The following OPCML variants were observed in gnomAD, a reference collection of about 807,000 sequenced individuals.
OPCML encodes the protein opioid binding protein/cell adhesion molecule like, also known as opioid-binding protein/cell adhesion molecule.
OPCML carries 13 observed loss-of-function variants against 37.8 expected under a neutral mutation model. The observed-to-expected ratio is 0.34, with a 90% CI of 0.22 to 0.55. The LOEUF is 0.55. Ranked by LOEUF, OPCML falls within the 20% of genes least tolerant of loss-of-function variation. The pLI is 0.91. For missense variants in OPCML, 341 were observed against 435.6 expected, an observed-to-expected ratio of 0.78 and a Z score of 1.93; for synonymous variants, 176 against 168.8, an observed-to-expected ratio of 1.04 and a Z score of -0.33.
intron 1 of OPCML, among the ~76,000 whole-genome samples, chr11:133,184,052 T>A (rs2136290092): frequency 6.6e-6 from 1 of 152,216 alleles, no homozygotes; most frequent in Non-Finnish European, 1.5e-5. Context: ...GAGCTTGACA[T>A]TGAAGGGGAG....
intron 2 of OPCML, among the ~76,000 whole-genome samples, chr11:132,808,981 G>T (rs1368259461): frequency 6.6e-6 from 1 of 151,872 alleles, no homozygotes; most frequent in Non-Finnish European, 1.5e-5. Flanking sequence ...AAATTTGGTC[G>T]GTGGGGGCGG....
At chr11:132,982,217 C>T (rs1048778354) in intron 1 of OPCML, among the ~76,000 whole-genome samples, 6 of 152,130 alleles carry the variant, frequency 3.9e-5, no homozygotes, top group Non-Finnish European at 8.8e-5. Context: ...TTCTCCTCTC[C>T]TTATCTCTGT....
At chr11:133,063,483 G>A (rs192684239) in intron 1 of OPCML, among the ~76,000 whole-genome samples, 9 of 152,278 alleles carry the variant, frequency 5.9e-5, no homozygotes, top group Admixed American at 5.2e-4. Context: ...TTTATAGGAT[G>A]TGAATGATGA....
At position 133,532,411 on chromosome 11, in the gene OPCML, A is replaced by G. The variant is rs1430142553; in HGVS notation, c.-87T>C. 6 of 1,511,832 alleles carry G rather than the reference A, an allele frequency of 4.0e-6. No homozygotes were observed. In the East Asian group the frequency reaches 1.5e-4, roughly 37 times the overall value. 93.7% of individuals were successfully genotyped at this position (1,511,832 alleles called of 1,614,324 possible). ...CTGCCTTCCTCTGTGCTGAATTCTGAGCAGGTTTAAATCCAATGTTTGCAA... is the reference window on the plus strand; with the variant it reads ...CTGCCTTCCTCTGTGCTGAATTCTGGGCAGGTTTAAATCCAATGTTTGCAA... On this transcript the variant is annotated 5_prime_UTR_variant, in exon 1 of 8. Transcript: ENST00000524381.
chr11:133,140,442 G>A (rs1473252542), intron 1 of OPCML, among the ~76,000 whole-genome samples: 1 of 148,436 alleles, frequency 6.7e-6, no homozygotes, highest in Non-Finnish European at 1.5e-5. Flanking sequence ...TTGAATCTGG[G>A]AGGCAGAGGT....
intron 1 of OPCML, among the ~76,000 whole-genome samples, chr11:133,357,922 C>T (rs918092648): frequency 6.6e-6 from 1 of 152,184 alleles, no homozygotes; most frequent in Non-Finnish European, 1.5e-5. Context: ...TCTCCACTGT[C>T]CCCAGCCAAC....
intron 2 of OPCML, among the ~76,000 whole-genome samples, chr11:132,713,541 T>A (rs1944352517): frequency 6.6e-6 from 1 of 152,242 alleles, no homozygotes; most frequent in Non-Finnish European, 1.5e-5. Flanking sequence ...ACTTCAAACC[T>A]AAGTTTTAAA....
chr11:133,257,427 T>A (rs996035997), intron 1 of OPCML, among the ~76,000 whole-genome samples: 4 of 152,176 alleles, frequency 2.6e-5, no homozygotes, highest in African/African-American at 9.6e-5. Flanking sequence ...GCCTCCCTAA[T>A]AATAGGAATC....
At chr11:132,488,060 T>C (rs1174193499) in intron 4 of OPCML, among the ~76,000 whole-genome samples, 1 of 152,196 alleles carries the variant, frequency 6.6e-6, no homozygotes, top group South Asian at 2.1e-4. Flanking sequence ...CTCTTTGCAT[T>C]TGATGCCTCA....
chr11:133,139,102 G>A lies in OPCML; in HGVS notation c.62-196092C>T, dbSNP rs114702910. Among the ~76,000 whole-genome samples, 1,286 of 152,188 alleles carry A rather than the reference G, an allele frequency of 8.5e-3. 20 individuals carry two copies. The highest frequency in any genetic ancestry group is 0.029 in the African/African-American group (1,211 of 41,514). On this transcript the variant is annotated intron_variant, in intron 1 of 7. Coordinates refer to ENST00000524381, the MANE Select transcript of OPCML (RefSeq NM_001012393.5). ...TAAATGATTGTCAGGGTGCCTCCAC[G>A]AGCCCACAAAAGTAATCTAACACGT...
intron 3 of OPCML, among the ~76,000 whole-genome samples, chr11:132,596,467 A>T (rs1054423768): frequency 3.9e-5 from 6 of 152,138 alleles, no homozygotes; most frequent in African/African-American, 9.7e-5. Flanking sequence ...TGTTGGGGCC[A>T]GTAAGGAAAG....
chr11:133,442,253 C>T (rs1946379219), intron 1 of OPCML, among the ~76,000 whole-genome samples: 1 of 152,102 alleles, frequency 6.6e-6, no homozygotes, highest in African/African-American at 2.4e-5. Flanking sequence ...TTTTTTCAGT[C>T]ATCAAATTGG....
intron 2 of OPCML, among the ~76,000 whole-genome samples, chr11:132,873,720 A>AT (rs1706268050): frequency 6.7e-6 from 1 of 150,340 alleles, no homozygotes; most frequent in Non-Finnish European, 1.5e-5. Flanking sequence ...GGGCACAAAA[A>AT]AAAAAAAAAA....
intron 3 of OPCML, among the ~76,000 whole-genome samples, chr11:132,638,186 T>TATATATATATATATATATATACAC (rs71067383): frequency 9.2e-5 from 12 of 131,078 alleles, no homozygotes; most frequent in East Asian, 6.7e-4. Flanking sequence ...TATATATATA[T>TATATATATATATATATATATACAC]ACAGAGAGAG....
chr11:132,590,904 G>A (rs1489222524), intron 3 of OPCML, among the ~76,000 whole-genome samples: 1 of 152,080 alleles, frequency 6.6e-6, no homozygotes, highest in Admixed American at 6.6e-5. Flanking sequence ...TTTAATAAAT[G>A]TATATTTTTT....
In OPCML at chr11:133,433,897, G is replaced by T. The variant is rs552402897; in HGVS notation, c.61+98367C>A. Among the ~76,000 whole-genome samples the T allele has an allele frequency of 4.4e-4, 67 of 152,126 alleles. 1 individual carries two copies. The highest frequency in any genetic ancestry group is 7.9e-4 in the Non-Finnish European group (54 of 68,018). ...TCAAACTTGCACTCTAGGGAATGAG[G>T]CATCAGAAGCCATCCTAGGGCAGAA... On this transcript the variant is annotated intron_variant, in intron 1 of 7. Transcript: ENST00000524381.
At chr11:133,481,971 T>C (rs1591548065) in intron 1 of OPCML, among the ~76,000 whole-genome samples, 1 of 152,244 alleles carries the variant, frequency 6.6e-6, no homozygotes, top group South Asian at 2.1e-4. Flanking sequence ...TCGAGTGTCA[T>C]GACAAGGAGT....
intron 1 of OPCML, among the ~76,000 whole-genome samples, chr11:133,032,466 A>G (rs1947692716): frequency 6.6e-6 from 1 of 152,196 alleles, no homozygotes; most frequent in Non-Finnish European, 1.5e-5. Context: ...GGGGGAAAAA[A>G]AGGCACATGC....
chr11:133,460,039 G>A (rs1246319729), intron 1 of OPCML, among the ~76,000 whole-genome samples: 1 of 151,898 alleles, frequency 6.6e-6, no homozygotes, highest in Non-Finnish European at 1.5e-5. Flanking sequence ...TATCACAATG[G>A]AATGACGAGA....
Sources: gnomAD v4.1 joint callset for allele counts (sites outside exome capture counted in the v4.1 genomes callset) on GRCh38, gnomAD v4.1.1 for gene constraint, MANE v1.5 for transcripts, NCBI Gene and HGNC (gene_info 2026-07-23, HGNC 2026-07-21) for gene names.